The following TULP4 variants were observed in gnomAD, a reference collection of about 807,000 sequenced individuals.
TULP4 encodes the protein TUB like protein 4, also known as tubby-related protein 4.
In TULP4, 16 loss-of-function variants were observed where a neutral mutation model predicts 129.0. The observed-to-expected ratio is 0.12, with a 90% CI of 0.08 to 0.19. The LOEUF (loss-of-function observed/expected upper bound fraction) is 0.19, where lower values mean the gene tolerates loss of function less well. Among genes scored for constraint, TULP4 ranks in the 10% least tolerant of loss-of-function variants. TULP4 has a pLI of 1.00. For synonymous variants in TULP4, 998 were observed against 854.0 expected, an observed-to-expected ratio of 1.17 and a Z score of -2.94; for missense variants, 1,842 against 2,059.1, an observed-to-expected ratio of 0.89 and a Z score of 2.04.
chr6:158,427,639 G>A (rs370775004), intron 2 of TULP4, among the ~76,000 whole-genome samples: 14 of 151,434 alleles, frequency 9.2e-5, no homozygotes, highest in Admixed American at 4.6e-4. Context: ...GACTACAGGC[G>A]CGTGCCACCA....
intron 2 of TULP4, among the ~76,000 whole-genome samples, chr6:158,421,344 A>G (rs999106922): frequency 1.3e-5 from 2 of 148,224 alleles, no homozygotes; most frequent in Non-Finnish European, 3.0e-5. Flanking sequence ...CCTGGGCCAC[A>G]GAGCGGGGCT....
At chr6:158,453,653 G>A (rs1180451739) in intron 5 of TULP4, among the ~76,000 whole-genome samples, 2 of 151,768 alleles carry the variant, frequency 1.3e-5, no homozygotes, top group Non-Finnish European at 2.9e-5. Context: ...GCTGGGCGTG[G>A]TAGCAGGTGC....
At chr6:158,494,016 C>A (rs1780272748) in intron 10 of TULP4, among the ~76,000 whole-genome samples, 1 of 152,174 alleles carries the variant, frequency 6.6e-6, no homozygotes, top group Non-Finnish European at 1.5e-5. Context: ...CTCAGTGCCC[C>A]CTCACCCTCC....
intron 1 of TULP4, among the ~76,000 whole-genome samples, chr6:158,320,353 A>G (rs1177790006): frequency 1.3e-5 from 2 of 152,212 alleles, no homozygotes; most frequent in Admixed American, 6.5e-5. Context: ...TTTTTATTCT[A>G]TGAAACAATT....
At chr6:158,354,452 A>G (rs1194306107) in intron 1 of TULP4, among the ~76,000 whole-genome samples, 1 of 152,260 alleles carries the variant, frequency 6.6e-6, no homozygotes, top group East Asian at 1.9e-4. Context: ...GGTGTCACCA[A>G]GAACAAATGC....
intron 1 of TULP4, among the ~76,000 whole-genome samples, chr6:158,367,448 C>G (rs974218309): frequency 2.6e-5 from 4 of 152,142 alleles, no homozygotes; most frequent in African/African-American, 9.7e-5. Flanking sequence ...GCCAAAACTG[C>G]AGTTAGCATT....
Position 158,449,080 on chromosome 6 carries a change from G to A in TULP4, c.628G>A (p.Asp210Asn), listed in dbSNP as rs1454061113. ...GGCCCACGTCCTCTTGCACGAGTCA[G>A]ACGGTGTCCTCGGCATGTCCTGGAA... ...MLAHVLLHES[D>N]GVLGMSWNYP... Residue 210 changes from aspartate to asparagine, a missense_variant, in exon 4 of 14, where the codon GAC becomes AAC. By Grantham distance (23) the Asp-to-Asn change is conservative. Coordinates refer to ENST00000367097, the MANE Select transcript of TULP4 (RefSeq NM_020245.5). 3 of 1,614,012 alleles carry A rather than the reference G, an allele frequency of 1.9e-6. No homozygotes were observed. The highest frequency in any genetic ancestry group is 1.3e-5 in the African/African-American group (1 of 74,922).
At chr6:158,240,333 C>T (rs1777855721) in intron 1 of TULP4, among the ~76,000 whole-genome samples, 1 of 85,336 alleles carries the variant, frequency 1.2e-5, no homozygotes, top group African/African-American at 4.0e-5. Context: ...GGGCGGCTGG[C>T]CGGGCGGGGG....
At chr6:158,383,499 C>T (rs1041999178) in intron 1 of TULP4, among the ~76,000 whole-genome samples, 1 of 152,114 alleles carries the variant, frequency 6.6e-6, no homozygotes, top group Non-Finnish European at 1.5e-5. Context: ...GAGGTAGTTG[C>T]CTATTTTCAA....
At position 158,331,771 on chromosome 6, in the gene TULP4, G is replaced by GTATATATATA. The variant is rs553636109; in HGVS notation, c.252+17511_252+17512insTATATATATA. 1.8e-3 allele frequency among the ~76,000 whole-genome samples: 56 copies of GTATATATATA among 30,820 alleles called. 6 individuals are homozygous for GTATATATATA. The highest frequency in any genetic ancestry group is 2.5e-3 in the Admixed American group (5 of 2,004). 20.2% of individuals were successfully genotyped at this position (30,820 alleles called of 152,430 possible). On this transcript the variant is annotated intron_variant, in intron 1 of 13. Transcript: ENST00000367097. ...TGTATATACACGTGTATATATACACGTATATATACACACACACATACCTAC... is the reference window on the plus strand; with the variant it reads ...TGTATATACACGTGTATATATACACGTATATATATATATATATACACACACACATACCTAC...
chr6:158,412,025 G>A (rs1778110917), intron 1 of TULP4, among the ~76,000 whole-genome samples: 1 of 152,190 alleles, frequency 6.6e-6, no homozygotes, highest in Non-Finnish European at 1.5e-5. Context: ...CATAGCAAGA[G>A]TACTCTTGCC....
chr6:158,484,585 T>C (rs1299700410), intron 8 of TULP4, among the ~76,000 whole-genome samples: 2 of 152,202 alleles, frequency 1.3e-5, no homozygotes, highest in South Asian at 2.1e-4. Context: ...AAGGAGTTCA[T>C]ATAGGTGGAT....
rs149348384 is a variant in TULP4 at position 158,486,160 on chromosome 6, C to T, written c.1487-3428C>T. Among the ~76,000 whole-genome samples, 441 of 152,228 alleles carry T rather than the reference C, an allele frequency of 2.9e-3. 1 individual carries two copies. The highest frequency in any genetic ancestry group is 4.8e-3 in the Non-Finnish European group (324 of 68,026). On this transcript the variant is annotated intron_variant, in intron 8 of 13. Coordinates refer to ENST00000367097, the MANE Select transcript of TULP4 (RefSeq NM_020245.5). The stretch of plus-strand genomic sequence containing the variant: ...GTGCCCCCACGTCACCCCCAAAATT[C>T]ATATTGGGAAGTCCTGACTCCCAAT...
chr6:158,365,622 G>A (rs1475642611), intron 1 of TULP4, among the ~76,000 whole-genome samples: 1 of 151,178 alleles, frequency 6.6e-6, no homozygotes, highest in Non-Finnish European at 1.5e-5. Flanking sequence ...GACTACAGGT[G>A]CCCGCCACCA....
At chr6:158,237,248 G>A (rs1777728422) in intron 1 of TULP4, 1 of 918,790 alleles carries the variant, frequency 1.1e-6, no homozygotes, top group South Asian at 1.4e-5. Context: ...AGAGGGAGCA[G>A]TTCTGTGCTT....
intron 1 of TULP4, among the ~76,000 whole-genome samples, chr6:158,349,154 T>C (rs1263551505): frequency 1.5e-5 from 2 of 130,354 alleles, no homozygotes; most frequent in African/African-American, 2.9e-5. Context: ...GCAGATACAC[T>C]CCTCACTTCC....
intron 1 of TULP4, among the ~76,000 whole-genome samples, chr6:158,390,839 C>T (rs1427584668): frequency 6.6e-6 from 1 of 152,222 alleles, no homozygotes; most frequent in Non-Finnish European, 1.5e-5. Context: ...CACAGTGGCT[C>T]ACGCCTGTAA....
intron 1 of TULP4, among the ~76,000 whole-genome samples, chr6:158,267,762 C>T (rs1297749759): frequency 6.6e-6 from 1 of 152,156 alleles, no homozygotes; most frequent in Non-Finnish European, 1.5e-5. Context: ...GGTCAGCCTC[C>T]CGTTTTCCTC....
chr6:158,457,166 G>C (rs1052907304), intron 5 of TULP4, among the ~76,000 whole-genome samples: 1 of 152,108 alleles, frequency 6.6e-6, no homozygotes, highest in Non-Finnish European at 1.5e-5. Context: ...AATTAAAAAG[G>C]TCTCCGATCC....
Sources: allele counts gnomAD v4.1 joint callset (sites outside exome capture counted in the v4.1 genomes callset), GRCh38; gene constraint gnomAD v4.1.1; transcripts MANE v1.5; gene names NCBI Gene and HGNC (gene_info 2026-07-23, HGNC 2026-07-21).